Variants in IRAK1BP1 observed in about 807,000 individuals in gnomAD.
IRAK1BP1 encodes interleukin 1 receptor associated kinase 1 binding protein 1, also known as interleukin-1 receptor-associated kinase 1-binding protein 1.
Under a neutral mutation model 28.0 loss-of-function variants are expected in IRAK1BP1, and 24 were observed. The observed-to-expected ratio is 0.86, with a 90% CI of 0.62 to 1.20. The LOEUF (loss-of-function observed/expected upper bound fraction) is 1.20, where lower values mean the gene tolerates loss of function less well. Among genes scored for constraint, IRAK1BP1 ranks in the 50% most tolerant of loss-of-function variants. The pLI is 0.00. For synonymous variants in IRAK1BP1, 131 were observed against 116.3 expected, an observed-to-expected ratio of 1.13 and a Z score of -0.81; for missense variants, 336 against 316.7, an observed-to-expected ratio of 1.06 and a Z score of -0.46.
At chr6:78,976,582 A>G in the IRAK1BP1 span, among the ~76,000 whole-genome samples, 3 of 138,742 alleles carry the variant, frequency 2.2e-5, no homozygotes, top group Non-Finnish European at 4.7e-5. Flanking sequence ...ATCAGAGTGA[A>G]CAGGCAACCT....
chr6:78,954,795 T>C, the IRAK1BP1 span: 24 of 1,541,374 alleles, frequency 1.6e-5, no homozygotes, highest in African/African-American at 1.4e-4. Flanking sequence ...GTAAAGAAAA[T>C]ATTTTCAAAA....
At chr6:78,913,026 T>C (rs1381151675) in intron 4 of IRAK1BP1, among the ~76,000 whole-genome samples, 1 of 152,162 alleles carries the variant, frequency 6.6e-6, no homozygotes, top group African/African-American at 2.4e-5. Context: ...TGCAAAATCA[T>C]GATTGATTCC....
chr6:78,961,538 C>A, the IRAK1BP1 span: 1 of 654,308 alleles, frequency 1.5e-6, no homozygotes, highest in South Asian at 1.9e-5. Context: ...CACTCCAAAT[C>A]TACTGAATAA....
the IRAK1BP1 span, chr6:78,956,550 T>C: frequency 6.6e-6 from 1 of 152,246 alleles, no homozygotes; most frequent in South Asian, 2.1e-4. Context: ...TCTCAGAGCT[T>C]ATATTTTAGA....
At chr6:78,970,920 G>T in the IRAK1BP1 span, 1 of 1,452,520 alleles carries the variant, frequency 6.9e-7, no homozygotes. Context: ...TTACAACCTG[G>T]ATGTGTTTCC....
intron 1 of IRAK1BP1, among the ~76,000 whole-genome samples, chr6:78,884,623 A>G (rs1213240400): frequency 6.6e-6 from 1 of 152,112 alleles, no homozygotes; most frequent in Non-Finnish European, 1.5e-5. Flanking sequence ...ACAACTTCTC[A>G]TTAAATCTGC....
intron 4 of IRAK1BP1, among the ~76,000 whole-genome samples, chr6:78,917,270 C>A (rs1772584568): frequency 6.6e-6 from 1 of 151,176 alleles, no homozygotes; most frequent in African/African-American, 2.4e-5. Flanking sequence ...TAAGAAATTT[C>A]AAAATACAAT....
intron 4 of IRAK1BP1, among the ~76,000 whole-genome samples, chr6:78,928,633 G>C (rs895022560): frequency 6.6e-6 from 1 of 152,102 alleles, no homozygotes; most frequent in African/African-American, 2.4e-5. Flanking sequence ...TCCCCACTCA[G>C]TATGATACTA....
chr6:78,966,767 G>A, the IRAK1BP1 span, among the ~76,000 whole-genome samples: 2 of 152,170 alleles, frequency 1.3e-5, no homozygotes, highest in Non-Finnish European at 2.9e-5. Context: ...TGTGTCATAA[G>A]AAAACTGTAA....
At chr6:78,972,834 C>G in the IRAK1BP1 span, among the ~76,000 whole-genome samples, 82 of 151,920 alleles carry the variant, frequency 5.4e-4, no homozygotes, top group Non-Finnish European at 1.1e-3. Flanking sequence ...GAGAAAAAAA[C>G]AATAAAAAGA....
chr6:78,960,389 A>C, the IRAK1BP1 span, among the ~76,000 whole-genome samples: 4 of 151,992 alleles, frequency 2.6e-5, no homozygotes, highest in South Asian at 8.3e-4. Context: ...CACTAGGTTT[A>C]ATTTCCAATC....
chr6:78,893,663 T>C (rs1771765958), intron 2 of IRAK1BP1, among the ~76,000 whole-genome samples: 1 of 152,072 alleles, frequency 6.6e-6, no homozygotes. Flanking sequence ...CCCAGCACTT[T>C]GGGAGGCCGA....
the IRAK1BP1 span, chr6:78,970,315 C>A: frequency 3.1e-6 from 2 of 650,130 alleles, no homozygotes; most frequent in South Asian, 2.2e-5. Flanking sequence ...ATTCACTGAG[C>A]TCTGTATTAA....
intron 2 of IRAK1BP1, among the ~76,000 whole-genome samples, chr6:78,892,969 A>G (rs1771718024): frequency 6.6e-6 from 1 of 152,104 alleles, no homozygotes; most frequent in South Asian, 2.1e-4. Context: ...AATGCAGAGG[A>G]AAGTGGGGGA....
Position 78,902,166 on chromosome 6 carries a change from G to T in IRAK1BP1, c.*3832G>T, listed in dbSNP as rs142294003. ...GAGTTTGTTGTTGTCGTTGTTTGAGGCTGTTGCTCTGTCACCCAGGATGGA... is the reference window on the plus strand; with the variant it reads ...GAGTTTGTTGTTGTCGTTGTTTGAGTCTGTTGCTCTGTCACCCAGGATGGA... On this transcript the variant is annotated 3_prime_UTR_variant, in exon 4 of 4. Transcript: ENST00000369940. 6.6e-6 allele frequency: 1 copy of T among 152,252 alleles called. No homozygotes were observed. The allele number at this position is 152,252 out of a possible 1,614,324, so 9.4% of individuals were successfully genotyped here.
At chr6:78,945,230 C>G (rs1582079917) in intron 4 of IRAK1BP1, 1 of 1,162,202 alleles carries the variant, frequency 8.6e-7, no homozygotes, top group Non-Finnish European at 1.3e-6. Context: ...GATATAAATG[C>G]TGATTCCAAC....
chr6:78,946,208 T>C, exon 5 of IRAK1BP1: 3 of 1,612,786 alleles, frequency 1.9e-6, no homozygotes, highest in South Asian at 2.2e-5. Flanking sequence ...AATGCAGAGG[T>C]AGAGCTTTCT....
At chr6:78,882,011 A>G (rs572080747) in intron 1 of IRAK1BP1, among the ~76,000 whole-genome samples, 1 of 152,286 alleles carries the variant, frequency 6.6e-6, no homozygotes, top group South Asian at 2.1e-4. Flanking sequence ...CTGTGTGCGT[A>G]TATATATGTC....
chr6:78,890,915 C>T (rs1771632072), intron 2 of IRAK1BP1, among the ~76,000 whole-genome samples: 2 of 152,102 alleles, frequency 1.3e-5, no homozygotes, highest in South Asian at 4.2e-4. Flanking sequence ...TGTGAAACAT[C>T]ACTCCTGCAT....
Sources: allele counts gnomAD v4.1 joint callset (sites outside exome capture counted in the v4.1 genomes callset), GRCh38; gene constraint gnomAD v4.1.1; transcripts MANE v1.5; gene names NCBI Gene and HGNC (gene_info 2026-07-23, HGNC 2026-07-21).